SLIT3: variants seen among roughly 807,000 people sequenced by gnomAD.
SLIT3 encodes the protein slit homolog 3 protein.
Under a neutral mutation model 184.0 loss-of-function variants are expected in SLIT3, and 68 were observed. That is an observed-to-expected ratio of 0.37 (90% CI 0.30 to 0.45). The LOEUF (loss-of-function observed/expected upper bound fraction) is 0.45, where lower values mean the gene tolerates loss of function less well. SLIT3 is among the 20% of genes least tolerant of loss of function. The pLI, the probability that SLIT3 is intolerant of heterozygous loss-of-function variation, is 1.00. For synonymous variants in SLIT3, 831 were observed against 828.6 expected, an observed-to-expected ratio of 1.00 and a Z score of -0.05; for missense variants, 1,707 against 2,026.0, an observed-to-expected ratio of 0.84 and a Z score of 3.02.
At chr5:168,757,122 G>A (rs1221213348) in intron 16 of SLIT3, among the ~76,000 whole-genome samples, 3 of 152,194 alleles carry the variant, frequency 2.0e-5, no homozygotes, top group African/African-American at 7.2e-5. Flanking sequence ...AGTGCATGGA[G>A]GTTTTGTAAG....
Position 168,789,882 on chromosome 5 carries a change from G to A in SLIT3, c.1008-251C>T, listed in dbSNP as rs1355356091. The stretch of plus-strand genomic sequence containing the variant: ...AATACTCACCCGTGGCATCTTCATC[G>A]GGACACGAGGCTGTGAACACGTGAA... On this transcript the variant is annotated intron_variant, in intron 10 of 35. Transcript: ENST00000519560. The A allele has an allele frequency of 3.1e-5, 14 of 448,350 alleles. No homozygotes were observed. The East Asian group carries it at 4.0e-4, about 13-fold the overall frequency. 27.8% of individuals were successfully genotyped at this position (448,350 alleles called of 1,614,324 possible). A position where few individuals can be genotyped will look rare whatever the true frequency, so the allele number is the denominator to read the frequency against.
At chr5:168,759,799 T>G (rs13436472) in intron 16 of SLIT3, among the ~76,000 whole-genome samples, 1,869 of 152,226 alleles carry the variant, frequency 0.012, 40 homozygotes, top group African/African-American at 0.043. Flanking sequence ...AAATATGGAA[T>G]CCATGAATCA....
intron 4 of SLIT3, among the ~76,000 whole-genome samples, chr5:169,123,816 G>A (rs1760977205): frequency 6.6e-6 from 1 of 152,198 alleles, no homozygotes; most frequent in Non-Finnish European, 1.5e-5. Flanking sequence ...AAAAGTCATG[G>A]TGACAGTGTT....
intron 7 of SLIT3, among the ~76,000 whole-genome samples, chr5:168,821,926 T>C (rs1044856889): frequency 1.5e-4 from 23 of 152,206 alleles, no homozygotes; most frequent in African/African-American, 5.3e-4. Context: ...TTCTTTGGTC[T>C]TTGTTTTATC....
intron 4 of SLIT3, among the ~76,000 whole-genome samples, chr5:168,934,733 G>T (rs1008240414): frequency 3.3e-5 from 5 of 152,058 alleles, no homozygotes; most frequent in South Asian, 2.1e-4. Flanking sequence ...TCTATTTTGG[G>T]AATTAGAACA....
intron 3 of SLIT3, among the ~76,000 whole-genome samples, chr5:169,230,043 T>A (rs1764947038): frequency 6.6e-6 from 1 of 152,156 alleles, no homozygotes; most frequent in Non-Finnish European, 1.5e-5. Context: ...TTTCATGGAG[T>A]GTAATTTCAG....
chr5:169,122,343 G>A (rs2113291084), intron 4 of SLIT3, among the ~76,000 whole-genome samples: 1 of 152,296 alleles, frequency 6.6e-6, no homozygotes, highest in South Asian at 2.1e-4. Flanking sequence ...ATTAAAACAA[G>A]GCCATCCAAG....
chr5:169,078,549 C>T (rs1407367028), intron 4 of SLIT3, among the ~76,000 whole-genome samples: 3 of 152,208 alleles, frequency 2.0e-5, no homozygotes, highest in Admixed American at 6.5e-5. Context: ...ACTTCACCAA[C>T]TTCACTCATT....
chr5:168,857,674 T>C (rs1381882132), intron 5 of SLIT3, among the ~76,000 whole-genome samples: 1 of 152,240 alleles, frequency 6.6e-6, no homozygotes, highest in Non-Finnish European at 1.5e-5. Context: ...GATTTTATTT[T>C]TAATGCAGTA....
chr5:168,670,602 A>G (rs1761207561), intron 34 of SLIT3, among the ~76,000 whole-genome samples: 1 of 152,242 alleles, frequency 6.6e-6, no homozygotes, highest in Admixed American at 6.5e-5. Flanking sequence ...CAAGAGCAAC[A>G]CAAGAAGCTC....
At chr5:168,907,940 ACGTG>A (rs199919320) in intron 4 of SLIT3, among the ~76,000 whole-genome samples, 22 of 71,120 alleles carry the variant, frequency 3.1e-4, no homozygotes, top group Admixed American at 9.4e-4. Context: ...TATATATTAT[ACGTG>A]TATATATATA....
chr5:169,147,787 C>T (rs1761976324), intron 4 of SLIT3, among the ~76,000 whole-genome samples: 1 of 152,110 alleles, frequency 6.6e-6, no homozygotes, highest in South Asian at 2.1e-4. Context: ...CAACCTGCGC[C>T]AGCTGTCAAG....
intron 5 of SLIT3, among the ~76,000 whole-genome samples, chr5:168,856,806 T>TGTGTGCGCGCGC (rs374432432): frequency 4.4e-4 from 60 of 137,822 alleles, no homozygotes; most frequent in African/African-American, 1.7e-3. Context: ...TGTGTGTGTG[T>TGTGTGCGCGCGC]GCGCGCGCGC....
intron 4 of SLIT3, among the ~76,000 whole-genome samples, chr5:169,189,115 C>G (rs1304905895): frequency 2.0e-5 from 3 of 152,078 alleles, no homozygotes; most frequent in Non-Finnish European, 4.4e-5. Flanking sequence ...TTCTATAGCT[C>G]ATGTTCTGTG....
rs145014467 is a variant in SLIT3, at chr5:168,755,835, C to G, written c.1686-1828G>C. Among the ~76,000 whole-genome samples, 346 of 152,294 alleles carry G rather than the reference C, an allele frequency of 2.3e-3. 1 individual carries two copies. The Middle Eastern group carries it at 0.024, about 10-fold the overall frequency. ...GCACAGACCTCAAGAGAGATCAGAA[C>G]AGCAAGCAGATGCTGCAGAGCCATT... On this transcript the variant is annotated intron_variant, in intron 16 of 35. Transcript: ENST00000519560.
chr5:169,021,619 G>A lies in SLIT3; in HGVS notation c.414-138283C>T, dbSNP rs551858926. On this transcript the variant is annotated intron_variant, in intron 4 of 35. Coordinates refer to ENST00000519560, the MANE Select transcript of SLIT3 (RefSeq NM_003062.4). ...ACCTGCCTCGGCCTCCCAGTGTGCT[G>A]GGATTACAGGCATGAGCTACCGTGC... Among the ~76,000 whole-genome samples, 96 of 152,270 alleles carry A rather than the reference G, an allele frequency of 6.3e-4. 1 individual carries two copies. Among genetic ancestry groups the A allele is most frequent in the African/African-American group, 2.2e-3 (92 of 41,558 alleles).
intron 4 of SLIT3, among the ~76,000 whole-genome samples, chr5:169,076,293 A>T (rs761721555): frequency 1.3e-5 from 2 of 152,242 alleles, no homozygotes; most frequent in African/African-American, 2.4e-5. Context: ...CAGAGAGACC[A>T]TATATTAGCA....
At chr5:168,676,844 A>T (rs1424484190) in intron 32 of SLIT3, among the ~76,000 whole-genome samples, 3 of 152,236 alleles carry the variant, frequency 2.0e-5, no homozygotes, top group Non-Finnish European at 4.4e-5. Flanking sequence ...AGACACACAC[A>T]CACAGACACA....
intron 6 of SLIT3, among the ~76,000 whole-genome samples, chr5:168,839,370 T>C (rs571496168): frequency 6.6e-6 from 1 of 152,178 alleles, no homozygotes; most frequent in African/African-American, 2.4e-5. Flanking sequence ...TAATGTAAAT[T>C]GGTAGGGGTC....
Sources: allele counts gnomAD v4.1 joint callset (sites outside exome capture counted in the v4.1 genomes callset), GRCh38; gene constraint gnomAD v4.1.1; transcripts MANE v1.5; gene names NCBI Gene and HGNC (gene_info 2026-07-23, HGNC 2026-07-21).